LIN7A: variants seen among roughly 807,000 people sequenced by gnomAD.
LIN7A encodes the protein protein lin-7 homolog A.
Under a neutral mutation model 29.8 loss-of-function variants are expected in LIN7A, and 25 were observed. That is an observed-to-expected ratio of 0.84 (90% CI 0.61 to 1.17). LIN7A has a LOEUF of 1.17. Among genes scored for constraint, LIN7A ranks in the 50% most tolerant of loss-of-function variants. The probability of loss-of-function intolerance (pLI) is 0.00; values close to 1 mark genes in which losing one functional copy is unlikely to be tolerated. For missense variants in LIN7A, 239 were observed against 287.0 expected (o/e 0.83, Z 1.21); for synonymous variants, 118 against 107.5 (o/e 1.10, Z -0.60).
At chr12:80,911,605 T>C (rs1216577268) in intron 1 of LIN7A, among the ~76,000 whole-genome samples, 1 of 152,202 alleles carries the variant, frequency 6.6e-6, no homozygotes, top group African/African-American at 2.4e-5. Context: ...AAAATTATTC[T>C]TGTACCTTTT....
At chr12:80,807,074 T>TTTTTTTTTTTTTTTTTG (rs1871045246) in intron 5 of LIN7A, among the ~76,000 whole-genome samples, 6 of 47,062 alleles carry the variant, frequency 1.3e-4, no homozygotes, top group Admixed American at 2.1e-4. Context: ...TTTTTTTTTT[T>TTTTTTTTTTTTTTTTTG]TTTTTTTTTT....
chr12:80,889,849 G>A (rs1290625240), intron 1 of LIN7A, among the ~76,000 whole-genome samples: 1 of 152,046 alleles, frequency 6.6e-6, no homozygotes, highest in African/African-American at 2.4e-5. Context: ...AACTTCTCTG[G>A]TTTGGTTACC....
chr12:80,923,473 C>T (rs1877421705), intron 1 of LIN7A, among the ~76,000 whole-genome samples: 1 of 152,138 alleles, frequency 6.6e-6, no homozygotes, highest in South Asian at 2.1e-4. Context: ...AAATTAATAA[C>T]CACTATTAAT....
intron 1 of LIN7A, among the ~76,000 whole-genome samples, chr12:80,918,274 T>C (rs1391254799): frequency 6.6e-6 from 1 of 152,178 alleles, no homozygotes; most frequent in Non-Finnish European, 1.5e-5. Context: ...CTCAAACTCC[T>C]GAGCTCAAGC....
chr12:80,853,460 C>CA, intron 2 of LIN7A, among the ~76,000 whole-genome samples: 1 of 152,030 alleles, frequency 6.6e-6, no homozygotes, highest in African/African-American at 2.4e-5. Flanking sequence ...AAAGAACTGT[C>CA]AAAAGCCAAA....
intron 1 of LIN7A, among the ~76,000 whole-genome samples, chr12:80,891,965 G>A (rs995387269): frequency 1.3e-5 from 2 of 152,106 alleles, no homozygotes; most frequent in African/African-American, 4.8e-5. Context: ...ATCACATCAT[G>A]GTGGGTGTTT....
At chr12:80,859,753 T>C (rs1467965299) in intron 2 of LIN7A, among the ~76,000 whole-genome samples, 1 of 152,156 alleles carries the variant, frequency 6.6e-6, no homozygotes, top group African/African-American at 2.4e-5. Context: ...TCCTATACAC[T>C]ATAGAAAATA....
At chr12:80,810,411 G>A (rs1273218939) in intron 5 of LIN7A, among the ~76,000 whole-genome samples, 1 of 149,678 alleles carries the variant, frequency 6.7e-6, no homozygotes, top group Non-Finnish European at 1.5e-5. Flanking sequence ...GTGTGTGTGT[G>A]TGTGTGTGTG....
chr12:80,937,315 A>C, intron 1 of LIN7A: 5 of 270,392 alleles, frequency 1.8e-5, no homozygotes, highest in Non-Finnish European at 2.1e-5. Context: ...CCTGGCGCCT[A>C]TAGCCGTCCC....
intron 2 of LIN7A, among the ~76,000 whole-genome samples, chr12:80,879,009 T>C (rs1874875250): frequency 6.6e-6 from 1 of 152,200 alleles, no homozygotes; most frequent in Non-Finnish European, 1.5e-5. Context: ...GTAGTATTAT[T>C]TTTATCAATT....
At chr12:80,921,473 C>T (rs1378216320) in intron 1 of LIN7A, among the ~76,000 whole-genome samples, 1 of 83,894 alleles carries the variant, frequency 1.2e-5, no homozygotes, top group Non-Finnish European at 2.0e-5. Context: ...CGAGGGTCTT[C>T]TTCTGGTTCT....
intron 2 of LIN7A, among the ~76,000 whole-genome samples, chr12:80,878,025 A>G (rs970007984): frequency 4.6e-5 from 7 of 152,226 alleles, no homozygotes; most frequent in African/African-American, 1.7e-4. Context: ...CTGTGTAAGT[A>G]CATGTAATTA....
At chr12:80,890,151 A>G (rs1875548682) in intron 1 of LIN7A, among the ~76,000 whole-genome samples, 1 of 152,312 alleles carries the variant, frequency 6.6e-6, no homozygotes, top group Middle Eastern at 3.4e-3. Context: ...ATCAAGAAAC[A>G]TGTAGTCTTT....
rs572116654 is a variant in LIN7A, at chr12:80,892,806, A to G, written c.83-3437T>C. Among the ~76,000 whole-genome samples the G allele has an allele frequency of 6.6e-5, 10 of 152,324 alleles. No homozygotes were observed. The South Asian group carries it at 1.2e-3, about 19-fold the overall frequency. ...TTTTTAAAGCCCTTCAGGCGATGCT[A>G]AAGTGCAGCCAAGGTTGAGACCACT... On this transcript the variant is annotated intron_variant, in intron 1 of 5. Coordinates refer to ENST00000552864, the MANE Select transcript of LIN7A (RefSeq NM_004664.4).
At chr12:80,859,956 C>T (rs1433231881) in intron 2 of LIN7A, among the ~76,000 whole-genome samples, 2 of 152,116 alleles carry the variant, frequency 1.3e-5, no homozygotes, top group Non-Finnish European at 2.9e-5. Context: ...GAAATTATGA[C>T]ATGTGAGTAC....
intron 4 of LIN7A, among the ~76,000 whole-genome samples, chr12:80,832,369 A>C (rs117525979): frequency 1.2e-3 from 179 of 152,298 alleles, no homozygotes; most frequent in Non-Finnish European, 2.2e-3. Flanking sequence ...ATATTCTTAC[A>C]ATAACGTTTG....
At chr12:80,928,134 T>A (rs1877706411) in intron 1 of LIN7A, among the ~76,000 whole-genome samples, 1 of 152,160 alleles carries the variant, frequency 6.6e-6, no homozygotes, top group Non-Finnish European at 1.5e-5. Context: ...TGGTTCCAAG[T>A]CTTTGCTGTT....
At chr12:80,842,242 G>C (rs1872857871) in intron 4 of LIN7A, 3 of 631,364 alleles carry the variant, frequency 4.8e-6, no homozygotes, top group Non-Finnish European at 6.8e-6. Flanking sequence ...TAATAGTTCT[G>C]TGTGTGTATA....
intron 1 of LIN7A, among the ~76,000 whole-genome samples, chr12:80,891,077 T>C (rs981493165): frequency 2.0e-5 from 3 of 152,254 alleles, no homozygotes; most frequent in East Asian, 1.9e-4. Flanking sequence ...CACACTCCCC[T>C]TGCATACAGA....
Sources: allele counts gnomAD v4.1 joint callset (sites outside exome capture counted in the v4.1 genomes callset), GRCh38; gene constraint gnomAD v4.1.1; transcripts MANE v1.5; gene names NCBI Gene and HGNC (gene_info 2026-07-23, HGNC 2026-07-21).